TMEM276: variants seen among roughly 807,000 people sequenced by gnomAD.
TMEM276 encodes the protein transmembrane protein 276.
At chr8:144,466,724 C>A in the TMEM276 span, 14 of 1,474,320 alleles carry the variant, frequency 9.5e-6, no homozygotes, top group South Asian at 1.7e-4. Context: ...AGGCTGCCTG[C>A]CCCCCTCCTC....
the TMEM276 span, chr8:144,464,232 GTCC>G: frequency 5.3e-5 from 86 of 1,612,986 alleles, no homozygotes; most frequent in East Asian, 6.9e-4. Flanking sequence ...GCAGCAGCCT[GTCC>G]TCCTCCAGCC....
At chr8:144,466,626 G>A in the TMEM276 span, 5 of 906,354 alleles carry the variant, frequency 5.5e-6, no homozygotes, top group East Asian at 3.4e-5. Context: ...ACGGGGCCGT[G>A]CCGAGGACCC....
chr8:144,463,886 T>A, the TMEM276 span: 2 of 1,395,722 alleles, frequency 1.4e-6, no homozygotes, highest in African/African-American at 2.9e-5. Context: ...CACAACCGTG[T>A]CCAGCCCAGA....
the TMEM276 span, chr8:144,465,539 G>GA: frequency 1.9e-6 from 1 of 537,550 alleles, no homozygotes; most frequent in Non-Finnish European, 2.4e-6. Context: ...GCTGGGGGGG[G>GA]AGGGTCGAGG....
the TMEM276 span, chr8:144,466,774 C>T: frequency 1.3e-6 from 2 of 1,532,672 alleles, no homozygotes; most frequent in Non-Finnish European, 8.7e-7. Flanking sequence ...CCCGCAAGCC[C>T]CGGGGTCGCC....
chr8:144,464,154 C>T, the TMEM276 span: 3 of 1,612,270 alleles, frequency 1.9e-6, no homozygotes, highest in Admixed American at 1.7e-5. Flanking sequence ...GCTGTGTATG[C>T]AGGGCCCGGC....
At chr8:144,464,980 G>A in the TMEM276 span, 1 of 1,563,398 alleles carries the variant, frequency 6.4e-7, no homozygotes, top group Non-Finnish European at 8.6e-7. Context: ...GCAGAAGCCA[G>A]CGACCTGGAG....
the TMEM276 span, chr8:144,466,344 CGGCG>C: frequency 2.0e-6 from 1 of 495,640 alleles, no homozygotes; most frequent in Non-Finnish European, 2.9e-6. Flanking sequence ...ACCGGCACTG[CGGCG>C]GGCGGGCGCC....
chr8:144,465,071 C>T, the TMEM276 span: 2 of 1,528,604 alleles, frequency 1.3e-6, no homozygotes, highest in Non-Finnish European at 8.8e-7. Flanking sequence ...CTAGACTTTC[C>T]GGATCCCTGA....
At chr8:144,465,565 C>T in the TMEM276 span, 2 of 172,632 alleles carry the variant, frequency 1.2e-5, no homozygotes, top group Non-Finnish European at 1.8e-5. Flanking sequence ...GGGAGAGGGT[C>T]GAGACCTGGG....
the TMEM276 span, chr8:144,464,624 G>C: frequency 2.0e-4 from 314 of 1,599,298 alleles, 5 homozygotes; most frequent in South Asian, 3.3e-3. Flanking sequence ...TGTCAACACA[G>C]GGAAGGGAGA....
At chr8:144,466,785 G>C in the TMEM276 span, 1 of 1,533,486 alleles carries the variant, frequency 6.5e-7, no homozygotes, top group Non-Finnish European at 8.7e-7. Flanking sequence ...CGGGGTCGCC[G>C]GCGCCCAGAC....
At chr8:144,466,791 C>T in the TMEM276 span, 2 of 1,535,220 alleles carry the variant, frequency 1.3e-6, no homozygotes, top group Non-Finnish European at 1.7e-6. Context: ...CGCCGGCGCC[C>T]AGACCTGCCC....
the TMEM276 span, chr8:144,464,380 G>A: frequency 6.2e-7 from 1 of 1,610,002 alleles, no homozygotes; most frequent in East Asian, 2.2e-5. Context: ...GCGGCCCTCA[G>A]GGCCGAGGTG....
the TMEM276 span, chr8:144,464,675 G>T: frequency 1.3e-6 from 2 of 1,571,610 alleles, no homozygotes; most frequent in Non-Finnish European, 1.7e-6. Flanking sequence ...TTTTAAACAG[G>T]AAAGGGTTTG....
At chr8:144,465,534 G>T in the TMEM276 span, 29 of 646,024 alleles carry the variant, frequency 4.5e-5, no homozygotes, top group African/African-American at 6.0e-5. Flanking sequence ...GAGCGGCTGG[G>T]GGGGGAGGGT....
the TMEM276 span, chr8:144,466,525 G>T: frequency 8.1e-7 from 1 of 1,233,942 alleles, no homozygotes; most frequent in Non-Finnish European, 1.0e-6. Context: ...CCAGGTGAGC[G>T]GGGCTGGCCG....
the TMEM276 span, chr8:144,467,014 G>C: frequency 6.3e-7 from 1 of 1,596,454 alleles, no homozygotes; most frequent in Non-Finnish European, 8.5e-7. Context: ...GCGCGGCCGC[G>C]GTGTCCCTGG....
the TMEM276 span, chr8:144,465,406 G>A: frequency 4.9e-6 from 5 of 1,018,376 alleles, no homozygotes; most frequent in Non-Finnish European, 5.9e-6. Context: ...CCTGCGCAAC[G>A]CACCGCCCAC....
Sources: gnomAD v4.1 joint callset for allele counts on GRCh38, gnomAD v4.1.1 for gene constraint, MANE v1.5 for transcripts, NCBI Gene and HGNC (gene_info 2026-07-23, HGNC 2026-07-21) for gene names.